SCTR: variants seen among roughly 807,000 people sequenced by gnomAD.
The protein encoded by SCTR is pancreatic secretin receptor.
Under a neutral mutation model 60.8 loss-of-function variants are expected in SCTR, and 56 were observed. That is an observed-to-expected ratio of 0.92 (90% confidence interval 0.74 to 1.15). The LOEUF is 1.15. Ranked by LOEUF, SCTR falls within the 50% of genes most tolerant of loss-of-function variation. SCTR has a pLI of 0.00. For synonymous variants in SCTR, 202 were observed against 217.0 expected, an observed-to-expected ratio of 0.93 and a Z score of 0.61; for missense variants, 562 against 550.4, an observed-to-expected ratio of 1.02 and a Z score of -0.21.
rs1456547957 is a variant in SCTR at position 119,446,747 on chromosome 2, C to T, written c.1140+12G>A. The T allele has an allele frequency of 6.6e-7, 1 of 1,508,860 alleles. No homozygotes were observed. Among genetic ancestry groups the T allele is most frequent in the South Asian group, 1.3e-5 (1 of 74,274 alleles). 93.5% of individuals were successfully genotyped at this position (1,508,860 alleles called of 1,614,324 possible). ...CTCTTTTCAGCTGGCAGCCCCAGTC[C>T]TGGAAACTTACCTGGAATGAGCCAA... On this transcript the variant is annotated intron_variant, in intron 11 of 12. Transcript: ENST00000019103.
At chr2:119,498,862 A>G (rs1260902442) in intron 1 of SCTR, among the ~76,000 whole-genome samples, 1 of 152,046 alleles carries the variant, frequency 6.6e-6, no homozygotes, top group Non-Finnish European at 1.5e-5. Flanking sequence ...ATAAAAAGGC[A>G]GATTGAAGCC....
At position 119,524,284 on chromosome 2, in the gene SCTR, G is replaced by T; in HGVS notation, c.-58C>A. 1.7e-6 allele frequency: 2 copies of T among 1,176,084 alleles called. No individual in the cohort carries two copies. Among genetic ancestry groups the T allele is most frequent in the South Asian group, 3.9e-5 (2 of 50,788 alleles). The allele number at this position is 1,176,084 out of a possible 1,614,324, so 72.9% of individuals were successfully genotyped here. A position where few individuals can be genotyped will look rare whatever the true frequency, so the allele number is the denominator to read the frequency against. On this transcript the variant is annotated 5_prime_UTR_variant, in exon 1 of 13. Transcript: ENST00000019103. ...GTCCGCCTGCCCGTGCCCTCTGCCC[G>T]CTCGGGAGCTCAGCGCCCCGCGCAG... is the stretch of plus-strand genomic sequence containing the variant.
chr2:119,511,176 T>C (rs1215532421), intron 1 of SCTR, among the ~76,000 whole-genome samples: 2 of 152,070 alleles, frequency 1.3e-5, no homozygotes, highest in Non-Finnish European at 2.9e-5. Context: ...GCACTCCAGC[T>C]TGGGTGAAAG....
At chr2:119,507,660 GTTCTTTTTTTTTTTTTT>G (rs1388208857) in intron 1 of SCTR, among the ~76,000 whole-genome samples, 5 of 132,488 alleles carry the variant, frequency 3.8e-5, no homozygotes, top group African/African-American at 5.4e-5. Flanking sequence ...CCTCTTTCTC[GTTCTTTTTTTTTTTTTT>G]TTCTTTTTTT....
At chr2:119,463,675 G>C (rs1683706418) in intron 6 of SCTR, among the ~76,000 whole-genome samples, 1 of 152,212 alleles carries the variant, frequency 6.6e-6, no homozygotes, top group African/African-American at 2.4e-5. Flanking sequence ...GAAGGAGAAA[G>C]GGGGTTAGAT....
chr2:119,464,000 T>G, intron 6 of SCTR, 123 bp downstream of exon 6: 2 of 995,480 alleles, frequency 2.0e-6, no homozygotes, highest in Non-Finnish European at 3.1e-6. Flanking sequence ...GCTTTATCCT[T>G]GGTATTAAGT....
At chr2:119,497,713 C>T (rs1048967328) in intron 1 of SCTR, among the ~76,000 whole-genome samples, 4 of 151,754 alleles carry the variant, frequency 2.6e-5, no homozygotes, top group African/African-American at 9.7e-5. Context: ...AGATAATAAA[C>T]AAAATAAGCT....
Position 119,494,495 on chromosome 2 carries a change from T to G in SCTR, c.126A>C (p.Gln42His). Residue 42 changes from glutamine (Q) to histidine (H), a missense_variant, in exon 2 of 13, where the codon CAA (glutamine) becomes CAC (histidine). Gln to His is a conservative substitution (Grantham distance 24, BLOSUM62 0). Coordinates refer to ENST00000019103, the MANE Select transcript of SCTR (RefSeq NM_002980.3). The stretch of plus-strand genomic sequence containing the variant: ...TGGAGAGTTCCTGCAGGCACTGGTC[T>G]TGCTCTTCCCACAGCACTTGTAGCA... ...CDVLQVLWEEQDQCLQELSRE... is the reference protein window; with the variant it reads ...CDVLQVLWEEHDQCLQELSRE... 1 of 1,614,078 alleles carries G rather than the reference T, an allele frequency of 6.2e-7. No individual in the cohort carries two copies. Among genetic ancestry groups the G allele is most frequent in the African/African-American group, 1.3e-5 (1 of 75,024 alleles).
intron 7 of SCTR, among the ~76,000 whole-genome samples, chr2:119,454,894 A>G (rs1309669399): frequency 1.3e-5 from 2 of 151,906 alleles, no homozygotes; most frequent in Middle Eastern, 3.4e-3. Context: ...ACCAATTTTT[A>G]TATTGATTAT....
chr2:119,443,863 A>G (rs773336912), intron 11 of SCTR, among the ~76,000 whole-genome samples: 4 of 152,200 alleles, frequency 2.6e-5, no homozygotes, highest in Non-Finnish European at 5.9e-5. Context: ...ACATTTTTAA[A>G]GAGTATATGA....
chr2:119,521,877 CAGG>C (rs1679295849), intron 1 of SCTR, among the ~76,000 whole-genome samples: 3 of 152,122 alleles, frequency 2.0e-5, no homozygotes, highest in African/African-American at 7.2e-5. Flanking sequence ...CTATTTATTA[CAGG>C]AGTTCTCAGC....
intron 1 of SCTR, among the ~76,000 whole-genome samples, chr2:119,503,921 C>A (rs1011970316): frequency 6.6e-6 from 1 of 152,060 alleles, no homozygotes; most frequent in Non-Finnish European, 1.5e-5. Flanking sequence ...TTTGTACTTT[C>A]CACTCAATTT....
chr2:119,520,047 A>T (rs1311165479), intron 1 of SCTR, among the ~76,000 whole-genome samples: 1 of 152,110 alleles, frequency 6.6e-6, no homozygotes, highest in African/African-American at 2.4e-5. Context: ...GGTAGAAAAT[A>T]AGAGTCAATT....
chr2:119,473,705 A>T, intron 3 of SCTR, 149 bp from the exon 4 acceptor site: 1 of 633,568 alleles, frequency 1.6e-6, no homozygotes, highest in Non-Finnish European at 2.9e-6. Flanking sequence ...CCAAGACCAC[A>T]CCCTAGTAAA....
At chr2:119,448,573 C>T (rs1026792960) in intron 10 of SCTR, 116 bp downstream of exon 10, 13 of 670,028 alleles carry the variant, frequency 1.9e-5, no homozygotes, top group South Asian at 1.1e-4. Flanking sequence ...AAACTTCTTA[C>T]GACTAGGTCT....
In SCTR at chr2:119,448,701, A is replaced by G. The variant is rs749315378; in HGVS notation, c.1001T>C (p.Val334Ala). ...LRTQETRGNE[V>A]SHYKRLARST... ...GCCCTTCACTTACTTATAATGGCTG[A>G]CTTCATTTCCTCTTGTTTCTTGGGT... Residue 334 changes from valine (V) to alanine (A), a missense_variant, in exon 10 of 13, where the codon GTC becomes GCC. Physicochemically the swap from Val to Ala is moderately conservative, Grantham distance 64. Transcript: ENST00000019103. 3.8e-6 allele frequency: 6 copies of G among 1,584,190 alleles called. No individual in the cohort carries two copies. The highest frequency in any genetic ancestry group is 4.3e-6 in the Non-Finnish European group (5 of 1,152,668).
In SCTR at chr2:119,470,714, T is replaced by C. The variant is rs1447907280; in HGVS notation, c.405+2739A>G. On this transcript the variant is annotated intron_variant, in intron 4 of 12. Coordinates refer to ENST00000019103, the MANE Select transcript of SCTR (RefSeq NM_002980.3). ...CTCATTGTGTGGATGTTTTTTCCTA[T>C]TTTGGGGGCAGAGTCTCGCTCTGTC... Among the ~76,000 whole-genome samples the C allele has an allele frequency of 2.6e-5, 4 of 152,168 alleles. No individual in the cohort carries two copies. In the East Asian group the frequency reaches 7.7e-4, roughly 29 times the overall value.
chr2:119,502,063 C>A (rs957874021), intron 1 of SCTR, among the ~76,000 whole-genome samples: 1 of 152,132 alleles, frequency 6.6e-6, no homozygotes, highest in African/African-American at 2.4e-5. Flanking sequence ...CAAGACCAAC[C>A]TGGGCAAGAT....
intron 2 of SCTR, among the ~76,000 whole-genome samples, chr2:119,490,937 C>T (rs1381297733): frequency 6.6e-6 from 1 of 152,198 alleles, no homozygotes; most frequent in Non-Finnish European, 1.5e-5. Flanking sequence ...GTGGATGCAT[C>T]CTCCAGCTCC....
Sources: gnomAD v4.1 joint callset for allele counts (sites outside exome capture counted in the v4.1 genomes callset) on GRCh38, gnomAD v4.1.1 for gene constraint, MANE v1.5 for transcripts, NCBI Gene and HGNC (gene_info 2026-07-23, HGNC 2026-07-21) for gene names.